NPR2: variants seen among roughly 807,000 people sequenced by gnomAD.
NPR2 encodes natriuretic peptide receptor 2, also known as atrial natriuretic peptide receptor 2.
NPR2 carries 49 observed loss-of-function variants against 120.7 expected under a neutral mutation model. The ratio of observed to expected loss-of-function variants is 0.41; its 90% CI spans 0.32 to 0.52. NPR2 has a LOEUF of 0.52. Among genes scored for constraint, NPR2 ranks in the 20% least tolerant of loss-of-function variants. The pLI is 0.36. For missense variants in NPR2, 931 were observed against 1,362.9 expected (o/e 0.68, Z 4.99); for synonymous variants, 484 against 519.8 (o/e 0.93, Z 0.94).
Position 35,801,439 on chromosome 9 carries a change from C to T in NPR2, c.1437-204C>T, listed in dbSNP as rs1078081. ...CCATTGGTCTTCTTTTAGGAAAGAA[C>T]TTTCACCCCCAGTCTCTGTGTTTGT... On this transcript the variant is annotated intron_variant, in intron 7 of 21. Coordinates refer to ENST00000342694, the MANE Select transcript of NPR2 (RefSeq NM_003995.4). Among the ~76,000 whole-genome samples, 19,663 of 152,264 alleles carry T rather than the reference C, an allele frequency of 0.13. 1,651 individuals carry two copies. Among genetic ancestry groups the T allele is most frequent in the Admixed American group, 0.18 (2,749 of 15,296 alleles).
chr9:35,809,025 C>T lies in NPR2; in HGVS notation c.2987-131C>T, dbSNP rs1191019111. ...ATTGGGAGGTTGGGCATATTTTGGT[C>T]CTAATAGATATGCATTGGGAGCTTC... is the stretch of plus-strand genomic sequence containing the variant. On this transcript the variant is annotated intron_variant, in intron 20 of 21. Transcript: ENST00000342694. The surrounding 1 kb of genome is among the most constrained non-coding windows in gnomAD (Gnocchi z 4.1). 9.7e-7 allele frequency: 1 copy of T among 1,028,030 alleles called. No individual in the cohort carries two copies. The highest frequency in any genetic ancestry group is 1.5e-6 in the Non-Finnish European group (1 of 651,404). The allele number at this position is 1,028,030 out of a possible 1,614,324, so 63.7% of individuals were successfully genotyped here.
chr9:35,792,543 G>A lies in NPR2; in HGVS notation c.135G>A (p.Val45=). The change falls in exon 1 of 22, where the codon GTG becomes GTA. Residue 45 remains valine (V), a synonymous_variant. Coordinates refer to ENST00000342694, the MANE Select transcript of NPR2 (RefSeq NM_003995.4). ...NLSYAWAWPR[V]GPAVALAVEA... ...GCTATGCCTGGGCCTGGCCACGGGT[G>A]GGACCCGCTGTGGCACTAGCTGTGG... is the stretch of plus-strand genomic sequence containing the variant. 6.2e-7 allele frequency: 1 copy of A among 1,611,562 alleles called. No individual in the cohort carries two copies. The highest frequency in any genetic ancestry group is 8.5e-7 in the Non-Finnish European group (1 of 1,179,940).
intron 16 of NPR2, 21 bp from the exon 17 acceptor site, chr9:35,807,002 T>C (rs760853723): frequency 6.2e-7 from 1 of 1,613,982 alleles, no homozygotes; most frequent in Non-Finnish European, 8.5e-7. Context: ...GTTTGGCTCA[T>C]ACGGCACCCT....
rs201567191 is a variant in NPR2 at position 35,805,803 on chromosome 9, C to T, written c.2048-27C>T. 9 of 1,613,340 alleles carry T rather than the reference C, an allele frequency of 5.6e-6. No individual in the cohort carries two copies. The highest frequency in any genetic ancestry group is 1.7e-5 in the Admixed American group (1 of 60,006). On this transcript the variant is annotated intron_variant, in intron 13 of 21. Transcript: ENST00000342694. This position sits in a 1 kb window ranked among gnomAD's most constrained non-coding sequence, Gnocchi z 4.9. ...CTTGGGGGTGCCCCATTTCGGGGGACCTGGCCAGCCGGTTTCCTCTTTTCA... is the reference window on the plus strand; with the variant it reads ...CTTGGGGGTGCCCCATTTCGGGGGATCTGGCCAGCCGGTTTCCTCTTTTCA...
chr9:35,801,742 C>T lies in NPR2; in HGVS notation c.1536C>T (p.Gly512=), dbSNP rs755806589. 6.2e-7 allele frequency: 1 copy of T among 1,614,206 alleles called. No homozygotes were observed. Among genetic ancestry groups the T allele is most frequent in the Non-Finnish European group, 8.5e-7 (1 of 1,180,028 alleles). ...GNSERYHKGA[G]SRLTLSLRGS... is the part of the protein sequence containing the mutation. The stretch of plus-strand genomic sequence containing the variant: ...CAGAGCGTTATCACAAAGGTGCAGG[C>T]AGTCGCCTCACACTGTCGCTGGTGA... The change falls in exon 8 of 22, where the codon GGC becomes GGT. Residue 512 remains glycine, a synonymous_variant. Transcript: ENST00000342694.
chr9:35,801,982 C>T lies in NPR2; in HGVS notation c.1614C>T (p.Ala538=), dbSNP rs530665015. 1.9e-6 allele frequency: 3 copies of T among 1,614,124 alleles called. No individual in the cohort carries two copies. Among genetic ancestry groups the T allele is most frequent in the African/African-American group, 2.7e-5 (2 of 75,034 alleles). The change falls in exon 9 of 22, where the codon GCC becomes GCT. Residue 538 remains alanine, a synonymous_variant. Transcript: ENST00000342694. ...CCCATGGGAAATACCAGATCTTTGC[C>T]AACACCGGTCACTTCAAGGTGAACA... ...MTAHGKYQIF[A]NTGHFKGNVV...
Position 35,801,938 on chromosome 9 carries a change from T to TA in NPR2, c.1571dup (p.Tyr524Ter). 2 of 1,614,204 alleles carry TA rather than the reference T, an allele frequency of 1.2e-6. No individual in the cohort carries two copies. Among genetic ancestry groups the TA allele is most frequent in the Non-Finnish European group, 1.7e-6 (2 of 1,180,022 alleles). ...CCCTTGGCCCCAGCGGGGATCCAGT[T>TA]ACGGCTCGCTCATGACAGCCCATGG... ...RLTLSLRGSS[Y>*]GSLMTAHGKY... Residue 524 changes from tyrosine (Y) to a stop codon, truncating the protein, a stop_gained and frameshift_variant, in exon 9 of 22, where the codon TAC becomes TAAC. Coordinates refer to ENST00000342694, the MANE Select transcript of NPR2 (RefSeq NM_003995.4). LOFTEE classifies it high-confidence loss of function.
At chr9:35,796,866 C>G (rs1563985422) in intron 2 of NPR2, among the ~76,000 whole-genome samples, 1 of 152,192 alleles carries the variant, frequency 6.6e-6, no homozygotes. Flanking sequence ...CAGAGCCTTT[C>G]TCCCAGAGAC....
chr9:35,808,823 A>T lies in NPR2; in HGVS notation c.2956A>T (p.Thr986Ser), dbSNP rs1292691259. The change falls in exon 20 of 22, where the codon ACT becomes TCT. Residue 986 changes from threonine to serine, a missense_variant. Transcript: ENST00000342694. This position sits in a 1 kb window ranked among gnomAD's most constrained non-coding sequence, Gnocchi z 4.0. ...RYCLFGDTVNTASRMESNGQA... is the reference protein window; with the variant it reads ...RYCLFGDTVNSASRMESNGQA... ...TTGTCTTTTTGGAGACACAGTGAAC[A>T]CTGCTTCTCGAATGGAGTCTAATGG... 1 of 1,611,622 alleles carries T rather than the reference A, an allele frequency of 6.2e-7. No individual in the cohort carries two copies. The highest frequency in any genetic ancestry group is 1.3e-5 in the African/African-American group (1 of 74,884).
chr9:35,806,428 G>A lies in NPR2; in HGVS notation c.2409G>A (p.Leu803=), dbSNP rs1437823038. The A allele has an allele frequency of 1.9e-6, 3 of 1,613,972 alleles. No homozygotes were observed. The African/African-American group carries it at 4.0e-5, about 22-fold the overall frequency. ...GGTSILDNLL[L]RMEQYANNLE... is the part of the protein sequence containing the mutation. ...CCAGCATATTGGACAACCTCCTGCT[G>A]CGCATGGAACAGTATGCCAATAACT... Residue 803 remains leucine, a synonymous_variant, in exon 16 of 22, where the codon CTG becomes CTA. Transcript: ENST00000342694. This position sits in a 1 kb window ranked among gnomAD's most constrained non-coding sequence, Gnocchi z 4.6.
Position 35,792,230 on chromosome 9 carries a change from C to T in NPR2, c.-179C>T, listed in dbSNP as rs1283690775. On this transcript the variant is annotated 5_prime_UTR_variant, in exon 1 of 22. Coordinates refer to ENST00000342694, the MANE Select transcript of NPR2 (RefSeq NM_003995.4). ...CCACTCCTTGCCCGCCCCCCGCCTT[C>T]CTCCCATCTCCCCCTCCTCTCCCCG... 1.3e-5 allele frequency: 6 copies of T among 458,468 alleles called. No homozygotes were observed. Among genetic ancestry groups the T allele is most frequent in the East Asian group, 4.5e-5 (1 of 21,986 alleles). 28.4% of individuals were successfully genotyped at this position (458,468 alleles called of 1,614,324 possible).
intron 1 of NPR2, 44 bp downstream of exon 1, chr9:35,793,119 G>A (rs767623050): frequency 2.0e-6 from 3 of 1,532,830 alleles, no homozygotes; most frequent in Admixed American, 3.7e-5. Context: ...GAGGAGGGTC[G>A]CTGTGTCCCT....
rs920069954 is a variant in NPR2, at chr9:35,791,739, C to A, written c.-670C>A. On this transcript the variant is annotated 5_prime_UTR_variant, in exon 1 of 22. Transcript: ENST00000342694. Reference sequence around the variant, plus strand: ...CCGCCAGGGCCCAGGAGAAGCGGAGCAGAGAGGAGCGGGGACACGGGCGGG... The same window carrying A: ...CCGCCAGGGCCCAGGAGAAGCGGAGAAGAGAGGAGCGGGGACACGGGCGGG... Among the ~76,000 whole-genome samples the A allele has an allele frequency of 4.0e-5, 6 of 151,564 alleles. No homozygotes were observed. Among genetic ancestry groups the A allele is most frequent in the Non-Finnish European group, 7.4e-5 (5 of 67,786 alleles).
intron 3 of NPR2, 49 bp from the exon 4 acceptor site, chr9:35,799,973 G>A (rs761144483): frequency 7.4e-6 from 12 of 1,612,240 alleles, no homozygotes; most frequent in Non-Finnish European, 8.5e-7. Flanking sequence ...GAGAGGGGAA[G>A]GGGCCTTGCA....
intron 2 of NPR2, among the ~76,000 whole-genome samples, chr9:35,798,552 C>T (rs1181412329): frequency 2.6e-5 from 4 of 152,184 alleles, no homozygotes; most frequent in African/African-American, 7.2e-5. Flanking sequence ...TCTAGTGCAG[C>T]GTATCTCTAT....
At chr9:35,801,879 C>T in intron 8 of NPR2, 47 bp from the exon 9 acceptor site, 1 of 1,608,304 alleles carries the variant, frequency 6.2e-7, no homozygotes, top group South Asian at 1.1e-5. Flanking sequence ...CCACCATCAT[C>T]TAATGTTCCT....
At position 35,792,798 on chromosome 9, in the gene NPR2, G is replaced by A. The variant is rs2132066726; in HGVS notation, c.390G>A (p.Ser130=). Residue 130 remains serine, a synonymous_variant, in exon 1 of 22, where the codon TCG becomes TCA. Transcript: ENST00000342694. Reference sequence around the variant, plus strand: ...CGGGTGCTGTGGCCTCTGGTTTTTCGGCTAAGAATGACCATTATCGTACCC... The same window carrying A: ...CGGGTGCTGTGGCCTCTGGTTTTTCAGCTAAGAATGACCATTATCGTACCC... ...LTAGAVASGF[S]AKNDHYRTLV... 6.2e-7 allele frequency: 1 copy of A among 1,614,138 alleles called. No homozygotes were observed. The highest frequency in any genetic ancestry group is 8.5e-7 in the Non-Finnish European group (1 of 1,180,032).
rs1563983644 is a variant in NPR2 at position 35,793,150 on chromosome 9, T to A, written c.667+75T>A. The A allele has an allele frequency of 4.9e-6, 7 of 1,419,642 alleles. No homozygotes were observed. In the Admixed American group the frequency reaches 1.6e-4, roughly 33 times the overall value. The allele number at this position is 1,419,642 out of a possible 1,614,324, so 87.9% of individuals were successfully genotyped here. ...TCCCTAAAGCTCAGCACTGGGGAAC[T>A]GTAGATGGAGATAGGCATTGAGCAG... On this transcript the variant is annotated intron_variant, in intron 1 of 21. Transcript: ENST00000342694.
In NPR2 at chr9:35,801,715, C is replaced by T. The variant is rs1245859284; in HGVS notation, c.1509C>T (p.Asn503=). The T allele has an allele frequency of 1.2e-6, 2 of 1,614,218 alleles. No individual in the cohort carries two copies. The highest frequency in any genetic ancestry group is 1.7e-6 in the Non-Finnish European group (2 of 1,180,036). The part of the protein sequence containing the change: ...RIRWEELQFG[N]SERYHKGAGS... ...GCTGGGAAGAACTGCAGTTTGGCAA[C>T]TCAGAGCGTTATCACAAAGGTGCAG... The change falls in exon 8 of 22, where the codon AAC becomes AAT. Residue 503 remains asparagine, a synonymous_variant. Transcript: ENST00000342694.
Sources: allele counts gnomAD v4.1 joint callset (sites outside exome capture counted in the v4.1 genomes callset), GRCh38; gene constraint gnomAD v4.1.1; non-coding constraint Gnocchi (gnomAD v3.1); transcripts MANE v1.5; gene names NCBI Gene and HGNC (gene_info 2026-07-23, HGNC 2026-07-21).